Variants in NUP210L observed in about 807,000 individuals in gnomAD.
The protein encoded by NUP210L is nucleoporin 210 like, also known as nuclear pore membrane glycoprotein 210-like.
A neutral mutation model predicts 208.5 loss-of-function variants in NUP210L; 74 were observed. The observed-to-expected ratio is 0.35, with a 90% CI of 0.29 to 0.43. The LOEUF (loss-of-function observed/expected upper bound fraction) is 0.43, where lower values mean the gene tolerates loss of function less well. Ranked by LOEUF, NUP210L falls within the 20% of genes least tolerant of loss-of-function variation. The probability of loss-of-function intolerance (pLI) is 1.00; values close to 1 mark genes in which losing one functional copy is unlikely to be tolerated. For missense variants in NUP210L, 1,843 were observed against 2,289.4 expected, an observed-to-expected ratio of 0.81 and a Z score of 3.98; for synonymous variants, 780 against 816.9, an observed-to-expected ratio of 0.95 and a Z score of 0.77.
intron 12 of NUP210L, among the ~76,000 whole-genome samples, chr1:154,115,885 G>C (rs918066314): frequency 2.0e-5 from 3 of 152,032 alleles, no homozygotes; most frequent in Admixed American, 2.0e-4. Context: ...ATGGAAGGCC[G>C]GGGTGGGCGG....
exon 30 of NUP210L, chr1:154,025,649 C>A (rs561262270): frequency 1.2e-6 from 2 of 1,613,872 alleles, no homozygotes; most frequent in African/African-American, 1.3e-5. Flanking sequence ...CCTTCACCAT[C>A]CTCCTCAATG....
At chr1:154,010,535 G>A (rs540224938) in intron 34 of NUP210L, among the ~76,000 whole-genome samples, 5 of 152,062 alleles carry the variant, frequency 3.3e-5, no homozygotes, top group Admixed American at 1.3e-4. Flanking sequence ...CACCACGCCT[G>A]GCGTCAGTGG....
chr1:154,093,282 G>C (rs1248882032), intron 15 of NUP210L, among the ~76,000 whole-genome samples: 2 of 152,058 alleles, frequency 1.3e-5, no homozygotes, highest in South Asian at 4.2e-4. Flanking sequence ...TACAAAATTA[G>C]CCGGGTGTGG....
At chr1:154,011,406 TAGAGAC>T (rs1650911262) in intron 34 of NUP210L, among the ~76,000 whole-genome samples, 1 of 151,862 alleles carries the variant, frequency 6.6e-6, no homozygotes, top group Admixed American at 6.6e-5. Flanking sequence ...GTATTTTTAG[TAGAGAC>T]AGGGTTTCAC....
intron 2 of NUP210L, among the ~76,000 whole-genome samples, chr1:154,145,418 C>CAA (rs929354381): frequency 8.3e-6 from 1 of 120,804 alleles, no homozygotes. Flanking sequence ...ATTCCGTCTA[C>CAA]AAAAAAAAAA....
At chr1:154,051,513 C>A (rs549160472) in intron 25 of NUP210L, among the ~76,000 whole-genome samples, 1 of 152,054 alleles carries the variant, frequency 6.6e-6, no homozygotes, top group South Asian at 2.1e-4. Flanking sequence ...TGTGCCTGGC[C>A]GACACTTTCA....
chr1:154,055,137 T>TTCTTTTC (rs1557944101), intron 23 of NUP210L, among the ~76,000 whole-genome samples: 3,724 of 93,202 alleles, frequency 0.04, 81 homozygotes, highest in Admixed American at 0.082. Flanking sequence ...CTTTCTTTCT[T>TTCTTTTC]TCTTTCTTTC....
At chr1:154,064,241 T>C (rs1309047999) in intron 17 of NUP210L, among the ~76,000 whole-genome samples, 1 of 151,940 alleles carries the variant, frequency 6.6e-6, no homozygotes, top group African/African-American at 2.4e-5. Context: ...TGCCTGCTGG[T>C]ATCCATGCCT....
At chr1:154,091,481 TTTTTCTTTTC>T (rs779528378) in intron 15 of NUP210L, among the ~76,000 whole-genome samples, 2 of 149,672 alleles carry the variant, frequency 1.3e-5, no homozygotes, top group Admixed American at 1.3e-4. Context: ...GCAACATGTC[TTTTTCTTTTC>T]TTTTCTTTTC....
chr1:154,022,622 G>A (rs1651630902), intron 31 of NUP210L, among the ~76,000 whole-genome samples: 1 of 147,534 alleles, frequency 6.8e-6, no homozygotes, highest in Non-Finnish European at 1.5e-5. Flanking sequence ...ACAGATTTAA[G>A]ATATCCTGCA....
chr1:154,006,290 C>T (rs1261412720), intron 35 of NUP210L, among the ~76,000 whole-genome samples: 1 of 151,328 alleles, frequency 6.6e-6, no homozygotes, highest in African/African-American at 2.4e-5. Context: ...GTGATTTCAT[C>T]TTATTTTTGG....
intron 16 of NUP210L, among the ~76,000 whole-genome samples, chr1:154,080,511 G>A (rs1334631197): frequency 6.6e-6 from 1 of 151,678 alleles, no homozygotes; most frequent in African/African-American, 2.4e-5. Context: ...ATGAAACCCT[G>A]TCTCTACCAA....
At chr1:154,023,216 A>G (rs369461322) in exon 31 of NUP210L, 58 of 1,614,082 alleles carry the variant, frequency 3.6e-5, no homozygotes, top group Admixed American at 2.3e-4. Flanking sequence ...GACATGCCCA[A>G]GGGAAATGCT....
chr1:154,074,929 T>C (rs1453380941), intron 16 of NUP210L, among the ~76,000 whole-genome samples: 3 of 152,322 alleles, frequency 2.0e-5, no homozygotes, highest in East Asian at 3.9e-4. Context: ...TTGTACTCAA[T>C]AGGTAATTTT....
At chr1:154,152,997 A>G in intron 1 of NUP210L, 125 bp from the exon 2 acceptor site, 2 of 768,240 alleles carry the variant, frequency 2.6e-6, no homozygotes, top group Admixed American at 5.2e-5. Flanking sequence ...CACTTTTTAA[A>G]GAAGGAACAT....
exon 35 of NUP210L, chr1:154,009,978 C>G (rs763067373): frequency 1.2e-6 from 2 of 1,608,224 alleles, no homozygotes; most frequent in Admixed American, 1.7e-5. Context: ...TTACCTTTCT[C>G]CATACTGAAA....
At chr1:154,067,353 T>C (rs1160877371) in intron 17 of NUP210L, among the ~76,000 whole-genome samples, 1 of 152,126 alleles carries the variant, frequency 6.6e-6, no homozygotes, top group East Asian at 1.9e-4. Flanking sequence ...CACATGATTA[T>C]CTCAATAGTT....
chr1:154,110,846 C>G (rs1322898210), intron 12 of NUP210L, among the ~76,000 whole-genome samples: 1 of 150,896 alleles, frequency 6.6e-6, no homozygotes, highest in African/African-American at 2.5e-5. Flanking sequence ...CCACTGTACT[C>G]CAGCCTGGGC....
intron 35 of NUP210L, among the ~76,000 whole-genome samples, chr1:154,004,313 C>T (rs1341912624): frequency 1.3e-5 from 2 of 151,996 alleles, no homozygotes; most frequent in Non-Finnish European, 2.9e-5. Flanking sequence ...TCGTGATCCA[C>T]CTGCCTCAGC....
Sources: allele counts gnomAD v4.1 joint callset (sites outside exome capture counted in the v4.1 genomes callset), GRCh38; gene constraint gnomAD v4.1.1; transcripts MANE v1.5; gene names NCBI Gene and HGNC (gene_info 2026-07-23, HGNC 2026-07-21).